PARD3: variants seen among roughly 807,000 people sequenced by gnomAD.
The protein encoded by PARD3 is par-3 family cell polarity regulator.
PARD3 carries 75 observed loss-of-function variants against 155.4 expected under a neutral mutation model. That is an observed-to-expected ratio of 0.48 (90% CI 0.40 to 0.58). The LOEUF is 0.58. PARD3 is among the 20% of genes least tolerant of loss of function. The pLI is 0.00. For synonymous variants in PARD3, 576 were observed against 610.5 expected, an observed-to-expected ratio of 0.94 and a Z score of 0.83; for missense variants, 1,642 against 1,721.7, an observed-to-expected ratio of 0.95 and a Z score of 0.82.
chr10:34,605,310 A>G (rs1402251700), intron 2 of PARD3, among the ~76,000 whole-genome samples: 1 of 140,850 alleles, frequency 7.1e-6, no homozygotes, highest in Non-Finnish European at 1.5e-5. Flanking sequence ...CTCCTGCCTC[A>G]GCCTCCCGAG....
chr10:34,189,482 A>G (rs1191798139), intron 22 of PARD3, among the ~76,000 whole-genome samples: 1 of 152,234 alleles, frequency 6.6e-6, no homozygotes, highest in East Asian at 1.9e-4. Flanking sequence ...TCACCAAACG[A>G]TACTAGTGGT....
At chr10:34,759,418 A>C (rs981530864) in intron 1 of PARD3, among the ~76,000 whole-genome samples, 4 of 152,216 alleles carry the variant, frequency 2.6e-5, no homozygotes, top group African/African-American at 9.6e-5. Flanking sequence ...AAAGTAGAAT[A>C]TCACATTTTA....
chr10:34,662,733 G>A (rs567552598), intron 2 of PARD3, among the ~76,000 whole-genome samples: 4 of 152,178 alleles, frequency 2.6e-5, no homozygotes, highest in Admixed American at 6.5e-5. Flanking sequence ...TTAGCCCAGC[G>A]TGGTATTAGA....
intron 3 of PARD3, among the ~76,000 whole-genome samples, chr10:34,496,998 T>C (rs1469279853): frequency 1.3e-5 from 2 of 152,050 alleles, no homozygotes; most frequent in African/African-American, 2.4e-5. Context: ...TTCGTAGGAG[T>C]ATAGATGCAG....
chr10:34,412,447 T>A (rs942889098), intron 5 of PARD3, among the ~76,000 whole-genome samples: 2 of 152,180 alleles, frequency 1.3e-5, no homozygotes, highest in African/African-American at 4.8e-5. Flanking sequence ...ACCTTCCTTT[T>A]CTCCCAGCCC....
intron 22 of PARD3, among the ~76,000 whole-genome samples, chr10:34,212,600 T>C (rs1951806084): frequency 6.6e-6 from 1 of 151,602 alleles, no homozygotes; most frequent in Admixed American, 6.6e-5. Flanking sequence ...AGACCAGGAC[T>C]GTACCTGGTG....
chr10:34,622,522 C>A (rs898197405), intron 2 of PARD3, among the ~76,000 whole-genome samples: 3 of 152,158 alleles, frequency 2.0e-5, no homozygotes, highest in Non-Finnish European at 4.4e-5. Flanking sequence ...AGAAGTTATT[C>A]CCTCCTTGAT....
At chr10:34,651,693 A>C (rs1331687212) in intron 2 of PARD3, among the ~76,000 whole-genome samples, 1 of 152,196 alleles carries the variant, frequency 6.6e-6, no homozygotes, top group Admixed American at 6.5e-5. Flanking sequence ...CTTTGCAAAA[A>C]CTGTATCATA....
At chr10:34,132,160 C>G (rs1289020579) in intron 22 of PARD3, among the ~76,000 whole-genome samples, 1 of 152,146 alleles carries the variant, frequency 6.6e-6, no homozygotes, top group Non-Finnish European at 1.5e-5. Flanking sequence ...GCAATTCTCA[C>G]AGCAAAAATG....
At chr10:34,214,573 T>C (rs1391821974) in intron 22 of PARD3, among the ~76,000 whole-genome samples, 1 of 152,008 alleles carries the variant, frequency 6.6e-6, no homozygotes, top group African/African-American at 2.4e-5. Context: ...ATTCCACCAC[T>C]TCGGGAGCTC....
intron 21 of PARD3, among the ~76,000 whole-genome samples, chr10:34,275,863 T>C (rs945467914): frequency 6.6e-6 from 1 of 152,162 alleles, no homozygotes; most frequent in Non-Finnish European, 1.5e-5. Flanking sequence ...TCACAAATTA[T>C]CTCCAAGATG....
At chr10:34,659,208 C>G (rs909815257) in intron 2 of PARD3, among the ~76,000 whole-genome samples, 5 of 152,204 alleles carry the variant, frequency 3.3e-5, no homozygotes, top group Admixed American at 6.5e-5. Context: ...CAAACCAACA[C>G]ATGTCATCTG....
chr10:34,118,313 C>A (rs1946795718), intron 24 of PARD3, among the ~76,000 whole-genome samples: 2 of 152,124 alleles, frequency 1.3e-5, no homozygotes, highest in African/African-American at 4.8e-5. Flanking sequence ...GTGGTGAAGT[C>A]CGTTGTGGTT....
chr10:34,449,300 A>T (rs2076928017), intron 5 of PARD3, among the ~76,000 whole-genome samples: 2 of 151,950 alleles, frequency 1.3e-5, no homozygotes, highest in Admixed American at 6.6e-5. Context: ...AATATATACT[A>T]TTTTTATCTG....
At chr10:34,663,315 A>G (rs1457458740) in intron 2 of PARD3, among the ~76,000 whole-genome samples, 1 of 152,040 alleles carries the variant, frequency 6.6e-6, no homozygotes, top group African/African-American at 2.4e-5. Context: ...AATACAAAAA[A>G]AATAGCCAGG....
chr10:34,450,177 A>G, intron 5 of PARD3, 140 bp downstream of exon 5: 1 of 712,396 alleles, frequency 1.4e-6, no homozygotes, highest in Non-Finnish European at 2.3e-6. Flanking sequence ...AAACTCTGAC[A>G]TAGAGATTGG....
intron 2 of PARD3, among the ~76,000 whole-genome samples, chr10:34,657,528 T>TTTG (rs1564469196): frequency 5.8e-4 from 87 of 150,352 alleles, no homozygotes; most frequent in African/African-American, 2.1e-3. Flanking sequence ...CTCAGTTTTG[T>TTTG]TTTGTTTGTT....
intron 22 of PARD3, among the ~76,000 whole-genome samples, chr10:34,158,249 A>G (rs980005929): frequency 1.3e-5 from 2 of 152,084 alleles, no homozygotes; most frequent in Non-Finnish European, 2.9e-5. Flanking sequence ...ACCACAAAAG[A>G]GAGAGAGAGA....
intron 22 of PARD3, among the ~76,000 whole-genome samples, chr10:34,266,701 G>T (rs180815273): frequency 6.6e-6 from 1 of 152,248 alleles, no homozygotes; most frequent in East Asian, 1.9e-4. Flanking sequence ...TCATCCTCAT[G>T]ACTAAAGTCT....
Sources: allele counts gnomAD v4.1 joint callset (sites outside exome capture counted in the v4.1 genomes callset), GRCh38; gene constraint gnomAD v4.1.1; transcripts MANE v1.5; gene names NCBI Gene and HGNC (gene_info 2026-07-23, HGNC 2026-07-21).